The following DSC2 variants were observed in gnomAD, a reference collection of about 807,000 sequenced individuals.
The protein encoded by DSC2 is desmocollin 2, also known as desmocollin-2.
DSC2 carries 51 observed loss-of-function variants against 87.6 expected under a neutral mutation model. The observed-to-expected ratio is 0.58, with a 90% CI of 0.46 to 0.74. The LOEUF is 0.74. Ranked by LOEUF, DSC2 falls within the 30% of genes least tolerant of loss-of-function variation. The pLI, the probability that DSC2 is intolerant of heterozygous loss-of-function variation, is 0.00. For missense variants in DSC2, 1,066 were observed against 1,089.5 expected, an observed-to-expected ratio of 0.98 and a Z score of 0.30; for synonymous variants, 383 against 393.2, an observed-to-expected ratio of 0.97 and a Z score of 0.31.
At chr18:31,069,298 A>G in intron 14 of DSC2, 147 bp from the exon 15 acceptor site, 1 of 1,037,846 alleles carries the variant, frequency 9.6e-7, no homozygotes, top group Non-Finnish European at 1.4e-6. Context: ...TATTTTGTGA[A>G]TCCTGCATAC....
chr18:31,061,192 G>A lies in DSC2; in HGVS notation c.*6823C>T, dbSNP rs1125877. On this transcript the variant is annotated 3_prime_UTR_variant, in exon 16 of 16. Coordinates refer to ENST00000280904, the MANE Select transcript of DSC2 (RefSeq NM_024422.6). ...AACACACTCTAAAAATTATACAAGCGAATATATCAGCAAGTTTGCCTTCAT... is the reference window on the plus strand; with the variant it reads ...AACACACTCTAAAAATTATACAAGCAAATATATCAGCAAGTTTGCCTTCAT... The A allele has an allele frequency of 0.66, 100,701 of 152,074 alleles. 33,482 individuals carry two copies. The highest frequency in any genetic ancestry group is 0.7 in the East Asian group (3,628 of 5,164). 9.4% of individuals were successfully genotyped at this position (152,074 alleles called of 1,614,324 possible).
At position 31,060,077 on chromosome 18, in the gene DSC2, A is replaced by G. The variant is rs1392069437; in HGVS notation, c.*7938T>C. ...AAGTCTGTGTGTGATCATTGTTTCC[A>G]TTGTCCTCAATTATGGTACATTGTA... is the stretch of plus-strand genomic sequence containing the variant. On this transcript the variant is annotated 3_prime_UTR_variant, in exon 16 of 16. Transcript: ENST00000280904. 6.6e-6 allele frequency: 1 copy of G among 152,110 alleles called. No homozygotes were observed. Among genetic ancestry groups the G allele is most frequent in the Non-Finnish European group, 1.5e-5 (1 of 68,012 alleles). The allele number at this position is 152,110 out of a possible 1,614,324, so 9.4% of individuals were successfully genotyped here. A position where few individuals can be genotyped will look rare whatever the true frequency, so the allele number is the denominator to read the frequency against.
intron 1 of DSC2, among the ~76,000 whole-genome samples, chr18:31,096,596 G>T (rs1195499519): frequency 1.3e-5 from 2 of 152,116 alleles, no homozygotes; most frequent in East Asian, 3.9e-4. Flanking sequence ...TTTAACGAAG[G>T]CTTGACATGT....
chr18:31,090,935 T>C (rs1187175549), intron 4 of DSC2, 93 bp downstream of exon 4: 4 of 1,542,104 alleles, frequency 2.6e-6, no homozygotes, highest in Admixed American at 3.4e-5. Context: ...CACATATTTA[T>C]ACACAACTAT....
intron 2 of DSC2, 102 bp downstream of exon 2, chr18:31,093,457 C>T (rs1163715205): frequency 1.1e-6 from 1 of 871,230 alleles, no homozygotes; most frequent in Non-Finnish European, 1.8e-6. Context: ...ACATCCCTTC[C>T]AAGGGACAAG....
intron 11 of DSC2, among the ~76,000 whole-genome samples, chr18:31,076,528 A>T (rs544405357): frequency 6.6e-6 from 1 of 152,358 alleles, no homozygotes; most frequent in South Asian, 2.1e-4. Flanking sequence ...TGAAACAGGT[A>T]TGTTTAGAAT....
At chr18:31,081,748 G>A (rs181622836) in intron 9 of DSC2, among the ~76,000 whole-genome samples, 2 of 152,288 alleles carry the variant, frequency 1.3e-5, no homozygotes, top group East Asian at 3.9e-4. Flanking sequence ...AGAAGTTTTA[G>A]AAGTGTTTGC....
rs1194849676 is a variant in DSC2, at chr18:31,079,838, A to G, written c.1663+9T>C. 6.2e-7 allele frequency: 1 copy of G among 1,613,872 alleles called. No homozygotes were observed. The highest frequency in any genetic ancestry group is 8.5e-7 in the Non-Finnish European group (1 of 1,179,904). ...GAAGTATGTAGCTGGCTTAAAGACA[A>G]ATTCTTACCTTGGTCTGATGCAAGG... On this transcript the variant is annotated intron_variant, in intron 11 of 15. Coordinates refer to ENST00000280904, the MANE Select transcript of DSC2 (RefSeq NM_024422.6).
rs1598568995 is a variant in DSC2 at position 31,067,898 on chromosome 18, C to A, written c.*117G>T. ...TGCATTTGACCAAAGAGATTCCATC[C>A]AAATAATGAGAGAAAAACCCCCACA... On this transcript the variant is annotated 3_prime_UTR_variant, in exon 16 of 16. Transcript: ENST00000280904. 13 of 923,990 alleles carry A rather than the reference C, an allele frequency of 1.4e-5. No homozygotes were observed. The highest frequency in any genetic ancestry group is 2.2e-5 in the Non-Finnish European group (13 of 595,708). The allele number at this position is 923,990 out of a possible 1,614,324, so 57.2% of individuals were successfully genotyped here.
At chr18:31,082,737 C>A (rs1598583475) in intron 8 of DSC2, among the ~76,000 whole-genome samples, 189 bp downstream of exon 8, 1 of 152,142 alleles carries the variant, frequency 6.6e-6, no homozygotes, top group South Asian at 2.1e-4. Flanking sequence ...TTTGTATTTT[C>A]TGTAGAGACG....
intron 11 of DSC2, among the ~76,000 whole-genome samples, chr18:31,077,978 G>C (rs1987078105): frequency 6.6e-6 from 1 of 152,162 alleles, no homozygotes; most frequent in Non-Finnish European, 1.5e-5. Context: ...GTTTAGGAGA[G>C]GGGAAGGCAG....
chr18:31,100,886 A>G (rs1193648683), intron 1 of DSC2, among the ~76,000 whole-genome samples: 4 of 151,972 alleles, frequency 2.6e-5, no homozygotes, highest in African/African-American at 7.2e-5. Flanking sequence ...TATATCCCCA[A>G]TTCCCCAGAC....
intron 3 of DSC2, chr18:31,091,385 G>A: frequency 1.7e-6 from 1 of 601,346 alleles, no homozygotes; most frequent in Non-Finnish European, 3.0e-6. Flanking sequence ...ATGGAAGAAA[G>A]AGAGATGGAA....
At chr18:31,089,179 A>AC (rs1366489792) in intron 5 of DSC2, among the ~76,000 whole-genome samples, 2 of 151,702 alleles carry the variant, frequency 1.3e-5, no homozygotes, top group Non-Finnish European at 2.9e-5. Context: ...AAAAAAAAAA[A>AC]AAAACTGTTC....
In DSC2 at chr18:31,102,052, C is replaced by A. The variant is rs1290817429; in HGVS notation, c.-81G>T. 5 of 1,248,722 alleles carry A rather than the reference C, an allele frequency of 4.0e-6. No homozygotes were observed. The highest frequency in any genetic ancestry group is 3.6e-5 in the Admixed American group (1 of 27,756). The allele number at this position is 1,248,722 out of a possible 1,614,324, so 77.4% of individuals were successfully genotyped here. On this transcript the variant is annotated 5_prime_UTR_variant, in exon 1 of 16. Coordinates refer to ENST00000280904, the MANE Select transcript of DSC2 (RefSeq NM_024422.6). ...CGCGGGGCGAGGGCCGCGGCCGGAGCGCAGTCTGGGCCCGCTGCTCAGGAG... is the reference window on the plus strand; with the variant it reads ...CGCGGGGCGAGGGCCGCGGCCGGAGAGCAGTCTGGGCCCGCTGCTCAGGAG...
At chr18:31,070,893 T>C in intron 13 of DSC2, 43 bp from the exon 14 acceptor site, 6 of 1,603,066 alleles carry the variant, frequency 3.7e-6, no homozygotes, top group Non-Finnish European at 5.1e-6. Context: ...CATAAAATAA[T>C]ATGAAGTTAT....
chr18:31,068,003 A>G lies in DSC2; in HGVS notation c.*12T>C, dbSNP rs767445847. ...TAAAGCCACTGGCTTTCAGAGACTT[A>G]TTAGAACACACTCATCTCTTCATGC... On this transcript the variant is annotated 3_prime_UTR_variant, in exon 16 of 16. Coordinates refer to ENST00000280904, the MANE Select transcript of DSC2 (RefSeq NM_024422.6). 6.2e-7 allele frequency: 1 copy of G among 1,613,172 alleles called. No individual in the cohort carries two copies. The highest frequency in any genetic ancestry group is 8.5e-7 in the Non-Finnish European group (1 of 1,179,286).
rs115947919 is a variant in DSC2 at position 31,100,401 on chromosome 18, G to A, written c.69+1502C>T. Reference sequence around the variant, plus strand: ...CCTTTTCCTTTAAAGAATGGCCGGTGGTTTTAAAAGAAATTGCAATTTTAT... The same window carrying A: ...CCTTTTCCTTTAAAGAATGGCCGGTAGTTTTAAAAGAAATTGCAATTTTAT... On this transcript the variant is annotated intron_variant, in intron 1 of 15. Transcript: ENST00000280904. 2.6e-3 allele frequency among the ~76,000 whole-genome samples: 402 copies of A among 152,214 alleles called. 4 individuals carry two copies. The highest frequency in any genetic ancestry group is 9.1e-3 in the African/African-American group (380 of 41,534).
intron 11 of DSC2, 41 bp from the exon 12 acceptor site, chr18:31,074,948 G>T: frequency 1.3e-6 from 2 of 1,560,046 alleles, no homozygotes; most frequent in Non-Finnish European, 8.7e-7. Context: ...TATGTTTTGA[G>T]TTTTCACCAC....
Sources: gnomAD v4.1 joint callset for allele counts (sites outside exome capture counted in the v4.1 genomes callset) on GRCh38, gnomAD v4.1.1 for gene constraint, MANE v1.5 for transcripts, NCBI Gene and HGNC (gene_info 2026-07-23, HGNC 2026-07-21) for gene names.